Variants in PTPA observed in about 807,000 individuals in gnomAD.
PTPA encodes the protein protein phosphatase 2 phosphatase activator, also known as serine/threonine-protein phosphatase 2A activator.
In PTPA, 13 loss-of-function variants were observed where a neutral mutation model predicts 43.6. That is an observed-to-expected ratio of 0.30 (90% confidence interval 0.19 to 0.47). The LOEUF (loss-of-function observed/expected upper bound fraction) is 0.47, where lower values mean the gene tolerates loss of function less well. Among genes scored for constraint, PTPA ranks in the 20% least tolerant of loss-of-function variants. The probability of loss-of-function intolerance (pLI) is 0.99; values close to 1 mark genes in which losing one functional copy is unlikely to be tolerated. For missense variants in PTPA, 329 were observed against 411.9 expected, an observed-to-expected ratio of 0.80 and a Z score of 1.74; for synonymous variants, 172 against 158.2, an observed-to-expected ratio of 1.09 and a Z score of -0.66.
chr9:129,121,622 T>C (rs1169952652), intron 2 of PTPA, among the ~76,000 whole-genome samples: 2 of 152,222 alleles, frequency 1.3e-5, no homozygotes, highest in African/African-American at 4.8e-5. Flanking sequence ...GGCCGTCCTG[T>C]GCCATGTAGG....
chr9:129,121,868 G>C (rs1399843472), intron 2 of PTPA, among the ~76,000 whole-genome samples: 1 of 152,254 alleles, frequency 6.6e-6, no homozygotes, highest in Non-Finnish European at 1.5e-5. Flanking sequence ...CCTGGTCTGA[G>C]AGAGTTGCTT....
intron 4 of PTPA, 140 bp downstream of exon 4, chr9:129,129,250 A>G: frequency 8.0e-7 from 1 of 1,243,100 alleles, no homozygotes; most frequent in Non-Finnish European, 1.1e-6. Flanking sequence ...TTCACTTAGC[A>G]AAATTACAAA....
intron 9 of PTPA, chr9:129,142,991 C>G: frequency 7.8e-7 from 1 of 1,286,654 alleles, no homozygotes; most frequent in Non-Finnish European, 1.0e-6. Flanking sequence ...TGTATGATCA[C>G]TGAGTGGTGG....
At chr9:129,115,700 C>A (rs865873000) in intron 1 of PTPA, among the ~76,000 whole-genome samples, 1 of 151,398 alleles carries the variant, frequency 6.6e-6, no homozygotes. Flanking sequence ...AGTACAGTGG[C>A]GTGATCTTGG....
At chr9:129,115,128 A>G (rs967021372) in intron 1 of PTPA, among the ~76,000 whole-genome samples, 2 of 152,212 alleles carry the variant, frequency 1.3e-5, no homozygotes, top group Admixed American at 1.3e-4. Context: ...TCTCACACAT[A>G]TAAAAGGGCT....
At chr9:129,117,628 CT>C (rs1848965187) in intron 1 of PTPA, among the ~76,000 whole-genome samples, 1 of 151,188 alleles carries the variant, frequency 6.6e-6, no homozygotes, top group South Asian at 2.1e-4. Flanking sequence ...TGGTCTTGAA[CT>C]CCTGGCCTCA....
At chr9:129,139,120 G>A (rs774799341) in intron 8 of PTPA, among the ~76,000 whole-genome samples, 4 of 152,202 alleles carry the variant, frequency 2.6e-5, no homozygotes, top group South Asian at 2.1e-4. Context: ...CTCCCCCGGC[G>A]GCTGGCCAGG....
intron 8 of PTPA, among the ~76,000 whole-genome samples, chr9:129,138,546 G>A (rs1013209140): frequency 2.0e-5 from 3 of 152,126 alleles, no homozygotes; most frequent in South Asian, 4.1e-4. Flanking sequence ...TCCAAAGGGC[G>A]CCCTCGCTCA....
chr9:129,111,342 A>T, upstream of PTPA: 1 of 1,170,606 alleles, frequency 8.5e-7, no homozygotes, highest in Non-Finnish European at 1.1e-6. Context: ...CCCCGCACTG[A>T]CATGGCCGTC....
Position 129,129,017 on chromosome 9 carries a change from G to A in PTPA, c.249G>A (p.Thr83=), listed in dbSNP as rs755173337. ...AGAAACTAGTCGCTCTTCTCAACAC[G>A]CTGGACAGGTGGATTGATGAGACTC... is the stretch of plus-strand genomic sequence containing the variant. ...AIEKLVALLN[T]LDRWIDETPP... is the part of the protein sequence containing the mutation. The change falls in exon 4 of 10, where the codon ACG becomes ACA. Residue 83 remains threonine (T), a synonymous_variant. Coordinates refer to ENST00000393370, the MANE Select transcript of PTPA (RefSeq NM_178000.3). 12 of 1,613,080 alleles carry A rather than the reference G, an allele frequency of 7.4e-6. No individual in the cohort carries two copies. The highest frequency in any genetic ancestry group is 1.3e-5 in the African/African-American group (1 of 74,988).
intron 8 of PTPA, among the ~76,000 whole-genome samples, chr9:129,138,988 G>T (rs1383292944): frequency 6.6e-6 from 1 of 152,218 alleles, no homozygotes; most frequent in African/African-American, 2.4e-5. Flanking sequence ...TCTGTGGAGT[G>T]GAATGTGGGG....
At chr9:129,141,562 G>A (rs1405460486) in intron 8 of PTPA, 1 of 152,334 alleles carries the variant, frequency 6.6e-6, no homozygotes, top group Non-Finnish European at 1.5e-5. Context: ...GTGTCAGGGG[G>A]ATATGCTCAG....
chr9:129,144,918 AG>A (rs1169953799), intron 9 of PTPA, among the ~76,000 whole-genome samples: 1 of 152,172 alleles, frequency 6.6e-6, no homozygotes, highest in African/African-American at 2.4e-5. Context: ...CTGTGGTCCC[AG>A]CTACTTGGGA....
intron 7 of PTPA, 70 bp from the exon 8 acceptor site, chr9:129,137,522 C>T: frequency 7.7e-7 from 1 of 1,300,310 alleles, no homozygotes; most frequent in Non-Finnish European, 1.1e-6. Flanking sequence ...GGGGGTGTGA[C>T]TGCTGGGCCG....
chr9:129,127,623 G>A (rs983500291), intron 3 of PTPA, among the ~76,000 whole-genome samples: 2 of 152,166 alleles, frequency 1.3e-5, no homozygotes, highest in Admixed American at 6.5e-5. Flanking sequence ...TGGATAGACA[G>A]CCACCCGATT....
intron 3 of PTPA, among the ~76,000 whole-genome samples, chr9:129,124,299 C>G (rs532404435): frequency 3.3e-5 from 5 of 152,268 alleles, no homozygotes; most frequent in Middle Eastern, 6.8e-3. Flanking sequence ...CTGCCTTGGT[C>G]TCTCGAAGTG....
chr9:129,140,123 G>A (rs968401619), intron 8 of PTPA: 1 of 152,552 alleles, frequency 6.6e-6, no homozygotes, highest in East Asian at 1.9e-4. Flanking sequence ...CGATTCTCTG[G>A]GGAGTGGAGA....
At chr9:129,111,325 C>T, upstream of PTPA, 4 of 1,170,222 alleles carry the variant, frequency 3.4e-6, no homozygotes, top group Non-Finnish European at 3.2e-6. Context: ...CGCATGCGCC[C>T]CGCGCGCCCC....
At position 129,129,000 on chromosome 9, in the gene PTPA, G is replaced by A; in HGVS notation, c.232G>A (p.Val78Ile). The A allele has an allele frequency of 6.2e-7, 1 of 1,613,252 alleles. No individual in the cohort carries two copies. The highest frequency in any genetic ancestry group is 8.5e-7 in the Non-Finnish European group (1 of 1,179,966). The change falls in exon 4 of 10, where the codon GTC becomes ATC. Residue 78 changes from valine (V) to isoleucine (I), a missense_variant. By Grantham distance (29) the Val-to-Ile change is conservative. Coordinates refer to ENST00000393370, the MANE Select transcript of PTPA (RefSeq NM_178000.3). ...YRVSEAIEKL[V>I]ALLNTLDRWI... ...GCCTCCACAGGCCATTGAGAAACTA[G>A]TCGCTCTTCTCAACACGCTGGACAG... is the stretch of plus-strand genomic sequence containing the variant.
Sources: allele counts gnomAD v4.1 joint callset (sites outside exome capture counted in the v4.1 genomes callset), GRCh38; gene constraint gnomAD v4.1.1; transcripts MANE v1.5; gene names NCBI Gene and HGNC (gene_info 2026-07-23, HGNC 2026-07-21).